CRADD: variants seen among roughly 807,000 people sequenced by gnomAD.
CRADD encodes the protein CARD and death domain containing adaptor protein, also known as death domain-containing protein CRADD.
In CRADD, 9 loss-of-function variants were observed where a neutral mutation model predicts 15.5. The observed-to-expected ratio is 0.58, with a 90% CI of 0.35 to 1.01. The LOEUF is 1.01. Among genes scored for constraint, CRADD ranks in the 50% least tolerant of loss-of-function variants. CRADD has a pLI of 0.02. For synonymous variants in CRADD, 118 were observed against 107.6 expected (o/e 1.10, Z -0.60); for missense variants, 227 against 250.3 (o/e 0.91, Z 0.63).
At chr12:93,804,091 AT>A (rs1195113268) in intron 2 of CRADD, among the ~76,000 whole-genome samples, 1 of 152,090 alleles carries the variant, frequency 6.6e-6, no homozygotes, top group African/African-American at 2.4e-5. Flanking sequence ...AGTCATTAAC[AT>A]TTGTGGCCAT....
At chr12:93,870,383 A>G (rs924506398) in intron 2 of CRADD, among the ~76,000 whole-genome samples, 1 of 152,142 alleles carries the variant, frequency 6.6e-6, no homozygotes, top group Non-Finnish European at 1.5e-5. Context: ...CTACCCTGAG[A>G]ATGTGCAACT....
Position 93,844,715 on chromosome 12 carries a change from C to A in CRADD, c.299-5255C>A, listed in dbSNP as rs934663239. Among the ~76,000 whole-genome samples the A allele has an allele frequency of 3.3e-5, 5 of 152,166 alleles. No individual in the cohort carries two copies. The East Asian group carries it at 9.6e-4, about 29-fold the overall frequency. ...CACTCCCTTCCCAACACCCAACCAA[C>A]AGAACGAAAATGCAGTTAGAAACAA... On this transcript the variant is annotated intron_variant, in intron 2 of 2. Coordinates refer to ENST00000332896, the MANE Select transcript of CRADD (RefSeq NM_003805.5).
intron 2 of CRADD, among the ~76,000 whole-genome samples, chr12:93,820,572 G>A (rs1356336118): frequency 6.6e-6 from 1 of 151,156 alleles, no homozygotes; most frequent in Non-Finnish European, 1.5e-5. Flanking sequence ...AGAAAAAAAA[G>A]CATGCTCCCC....
At chr12:93,867,706 C>T (rs143783213) in intron 2 of CRADD, among the ~76,000 whole-genome samples, 97 of 152,066 alleles carry the variant, frequency 6.4e-4, no homozygotes, top group Non-Finnish European at 1.2e-3. Flanking sequence ...AGGTAAATTG[C>T]GAATACCCAT....
chr12:93,887,762 T>C (rs1412872571), intron 2 of CRADD, among the ~76,000 whole-genome samples: 1 of 152,232 alleles, frequency 6.6e-6, no homozygotes, highest in African/African-American at 2.4e-5. Flanking sequence ...ACATACTACG[T>C]GCCTGGCTGT....
At chr12:93,796,184 T>A (rs1005029801) in intron 2 of CRADD, among the ~76,000 whole-genome samples, 1 of 152,214 alleles carries the variant, frequency 6.6e-6, no homozygotes, top group African/African-American at 2.4e-5. Context: ...GGGAACACTT[T>A]ATATAAAGCT....
intron 2 of CRADD, among the ~76,000 whole-genome samples, chr12:93,806,047 A>G (rs1023534252): frequency 8.5e-5 from 13 of 152,260 alleles, no homozygotes; most frequent in Non-Finnish European, 1.6e-4. Flanking sequence ...TGAGCAGATT[A>G]GGTATTTCAA....
At chr12:93,746,948 C>T (rs1193350803) in intron 2 of CRADD, among the ~76,000 whole-genome samples, 1 of 152,034 alleles carries the variant, frequency 6.6e-6, no homozygotes, top group Non-Finnish European at 1.5e-5. Flanking sequence ...TAAATAGCCT[C>T]ATGTCAGTTC....
At chr12:93,722,037 A>G (rs1306428783) in intron 2 of CRADD, among the ~76,000 whole-genome samples, 2 of 152,192 alleles carry the variant, frequency 1.3e-5, no homozygotes, top group African/African-American at 4.8e-5. Context: ...ACTGCCAACA[A>G]ACTCTGTCAA....
At chr12:93,811,792 C>G (rs1293687163) in intron 2 of CRADD, among the ~76,000 whole-genome samples, 1 of 152,160 alleles carries the variant, frequency 6.6e-6, no homozygotes, top group African/African-American at 2.4e-5. Context: ...TTGGTTTTTA[C>G]CCAAAGGAAT....
chr12:93,853,550 C>G (rs370041363), downstream of CRADD, among the ~76,000 whole-genome samples: 20 of 152,232 alleles, frequency 1.3e-4, no homozygotes, highest in East Asian at 3.7e-3. Context: ...TGCTCCATCC[C>G]CGTTTGGAAC....
intron 2 of CRADD, among the ~76,000 whole-genome samples, chr12:93,717,846 A>G (rs1956189200): frequency 6.6e-6 from 1 of 152,072 alleles, no homozygotes; most frequent in Admixed American, 6.6e-5. Context: ...GTTAACTTTT[A>G]TGAAGGGTCT....
intron 2 of CRADD, among the ~76,000 whole-genome samples, chr12:93,805,267 A>G (rs1957523846): frequency 6.6e-6 from 1 of 152,192 alleles, no homozygotes; most frequent in East Asian, 1.9e-4. Flanking sequence ...GAAAATATAT[A>G]TTTCTGAGTC....
At chr12:93,882,080 C>T (rs907487209) in intron 2 of CRADD, among the ~76,000 whole-genome samples, 2 of 149,228 alleles carry the variant, frequency 1.3e-5, no homozygotes, top group Non-Finnish European at 3.0e-5. Flanking sequence ...GCTGAAATCT[C>T]GCCACTGCAC....
chr12:93,875,082 A>C (rs1372804282), intron 2 of CRADD, among the ~76,000 whole-genome samples: 8 of 152,038 alleles, frequency 5.3e-5, no homozygotes, highest in African/African-American at 1.9e-4. Context: ...TATTTGTTTT[A>C]TATATCTGGA....
intron 2 of CRADD, among the ~76,000 whole-genome samples, chr12:93,740,568 A>C (rs1000851790): frequency 6.6e-6 from 1 of 152,176 alleles, no homozygotes; most frequent in African/African-American, 2.4e-5. Flanking sequence ...TGCCATGATT[A>C]ATATATGGAA....
chr12:93,846,289 T>C (rs1265937625), intron 2 of CRADD, among the ~76,000 whole-genome samples: 2 of 152,204 alleles, frequency 1.3e-5, no homozygotes, highest in East Asian at 1.9e-4. Context: ...CTTTTGAGTA[T>C]ATACCCAGAA....
intron 2 of CRADD, among the ~76,000 whole-genome samples, chr12:93,810,863 A>C (rs1425009638): frequency 2.0e-5 from 3 of 152,236 alleles, no homozygotes; most frequent in Non-Finnish European, 4.4e-5. Flanking sequence ...ATTTGGATTT[A>C]TGCCAGACTG....
chr12:93,830,236 G>A (rs1465000090), intron 2 of CRADD, among the ~76,000 whole-genome samples: 4 of 152,114 alleles, frequency 2.6e-5, no homozygotes, highest in South Asian at 4.1e-4. Flanking sequence ...GCTGATTTAC[G>A]CTTGGAAGGC....
Sources: allele counts gnomAD v4.1 joint callset (sites outside exome capture counted in the v4.1 genomes callset), GRCh38; gene constraint gnomAD v4.1.1; transcripts MANE v1.5; gene names NCBI Gene and HGNC (gene_info 2026-07-23, HGNC 2026-07-21).